Variants in DYM observed in about 807,000 individuals in gnomAD.
DYM encodes dyggve-Melchior-Clausen syndrome protein.
Under a neutral mutation model 93.1 loss-of-function variants are expected in DYM, and 78 were observed. The ratio of observed to expected loss-of-function variants is 0.84; its 90% CI spans 0.70 to 1.01. The LOEUF (loss-of-function observed/expected upper bound fraction) is 1.01. Ranked by LOEUF, DYM falls within the 50% of genes least tolerant of loss-of-function variation. The probability of loss-of-function intolerance (pLI) is 0.00; values close to 1 mark genes in which losing one functional copy is unlikely to be tolerated. For synonymous variants in DYM, 321 were observed against 319.7 expected, an observed-to-expected ratio of 1.00 and a Z score of -0.04; for missense variants, 789 against 845.0, an observed-to-expected ratio of 0.93 and a Z score of 0.82.
intron 15 of DYM, among the ~76,000 whole-genome samples, chr18:49,124,169 TACTG>T (rs763978252): frequency 6.6e-6 from 1 of 152,092 alleles, no homozygotes; most frequent in Non-Finnish European, 1.5e-5. Context: ...CAGGCTAAAA[TACTG>T]ACTATTTATT....
At chr18:49,314,834 C>A (rs962040175) in intron 8 of DYM, among the ~76,000 whole-genome samples, 9 of 152,082 alleles carry the variant, frequency 5.9e-5, no homozygotes, top group African/African-American at 1.9e-4. Context: ...ACCAAGAATC[C>A]CAAGGTCATT....
intron 6 of DYM, among the ~76,000 whole-genome samples, chr18:49,340,651 G>A (rs1490797702): frequency 6.6e-6 from 1 of 152,166 alleles, no homozygotes; most frequent in East Asian, 1.9e-4. Context: ...CTTGTGGGAT[G>A]AAAGGACACA....
chr18:49,441,126 AT>A (rs1217371877), intron 1 of DYM, among the ~76,000 whole-genome samples: 1 of 4,834 alleles, frequency 2.1e-4, no homozygotes, highest in Non-Finnish European at 5.3e-4. Flanking sequence ...TATATTATAT[AT>A]TTATATAAAT....
chr18:49,140,424 G>A (rs1293060119), intron 15 of DYM, among the ~76,000 whole-genome samples: 1 of 152,096 alleles, frequency 6.6e-6, no homozygotes, highest in Non-Finnish European at 1.5e-5. Flanking sequence ...AATACATCCT[G>A]CAATCTCATG....
At chr18:49,143,597 A>C (rs1224470279) in intron 15 of DYM, among the ~76,000 whole-genome samples, 2 of 152,148 alleles carry the variant, frequency 1.3e-5, no homozygotes, top group East Asian at 3.8e-4. Context: ...GGTCACATAA[A>C]GGTTAAATAT....
intron 13 of DYM, among the ~76,000 whole-genome samples, chr18:49,216,637 C>T (rs1045187471): frequency 1.3e-5 from 2 of 152,192 alleles, no homozygotes; most frequent in Non-Finnish European, 2.9e-5. Flanking sequence ...GATACCCAGG[C>T]AAACAGGGTC....
intron 8 of DYM, among the ~76,000 whole-genome samples, chr18:49,293,949 G>T (rs1396618335): frequency 1.3e-5 from 2 of 152,126 alleles, no homozygotes; most frequent in Non-Finnish European, 2.9e-5. Context: ...ATGATTTTAG[G>T]TCTTACATTT....
chr18:49,363,302 C>T (rs1206898255), intron 5 of DYM, 69 bp from the exon 6 acceptor site: 2 of 1,065,822 alleles, frequency 1.9e-6, no homozygotes, highest in Non-Finnish European at 1.5e-6. Flanking sequence ...TCAGAAGTTA[C>T]ATTTTCATTC....
chr18:49,349,020 C>T (rs1348457911), intron 6 of DYM, among the ~76,000 whole-genome samples: 1 of 151,660 alleles, frequency 6.6e-6, no homozygotes, highest in African/African-American at 2.4e-5. Flanking sequence ...CCAGGCTGGC[C>T]AACATGGTGA....
At chr18:49,350,726 G>GAAAAAAAAAAAAAAAAA (rs72289769) in intron 6 of DYM, among the ~76,000 whole-genome samples, 20 of 119,926 alleles carry the variant, frequency 1.7e-4, no homozygotes, top group East Asian at 4.9e-4. Context: ...GAAAAAAAAA[G>GAAAAAAAAAAAAAAAAA]AAAAAAAAAA....
chr18:49,078,656 G>A (rs1393971586), intron 17 of DYM, among the ~76,000 whole-genome samples: 1 of 152,070 alleles, frequency 6.6e-6, no homozygotes, highest in Non-Finnish European at 1.5e-5. Context: ...TTTCCCATGT[G>A]AGGTGCTTGC....
At chr18:49,376,167 T>C (rs1362562501) in intron 5 of DYM, among the ~76,000 whole-genome samples, 1 of 152,160 alleles carries the variant, frequency 6.6e-6, no homozygotes, top group Non-Finnish European at 1.5e-5. Flanking sequence ...ATCTATGCTA[T>C]TTGTCCTGTC....
In DYM at chr18:49,320,152, T is replaced by TA. The variant is rs1418280073; in HGVS notation, c.763+11711dup. On this transcript the variant is annotated intron_variant, in intron 8 of 17. Coordinates refer to ENST00000675505, the MANE Select transcript of DYM (RefSeq NM_001353214.3). The stretch of plus-strand genomic sequence containing the variant: ...ACCCCACATTCTTCATATACTGTCT[T>TA]ACCTAGCACTTCTGGAAGGACTAAA... 7.2e-5 allele frequency among the ~76,000 whole-genome samples: 11 copies of TA among 152,332 alleles called. No homozygotes were observed. The East Asian group carries it at 2.1e-3, about 29-fold the overall frequency.
At chr18:49,254,086 G>C (rs1032395990) in intron 13 of DYM, among the ~76,000 whole-genome samples, 2 of 151,944 alleles carry the variant, frequency 1.3e-5, no homozygotes, top group African/African-American at 4.8e-5. Context: ...GATGATTGCT[G>C]TATCAGGCCA....
intron 14 of DYM, among the ~76,000 whole-genome samples, chr18:49,188,787 T>C (rs1568566432): frequency 6.6e-6 from 1 of 152,172 alleles, no homozygotes; most frequent in Non-Finnish European, 1.5e-5. Context: ...CATGTATACG[T>C]ATGTAACTAA....
At chr18:49,274,206 A>G (rs1398418736) in intron 10 of DYM, among the ~76,000 whole-genome samples, 1 of 149,508 alleles carries the variant, frequency 6.7e-6, no homozygotes, top group African/African-American at 2.4e-5. Context: ...TTCTGTCTCT[A>G]TAATTTCCCT....
intron 3 of DYM, among the ~76,000 whole-genome samples, chr18:49,380,460 T>G (rs1010383484): frequency 1.3e-5 from 2 of 152,168 alleles, no homozygotes; most frequent in African/African-American, 4.8e-5. Flanking sequence ...GAGTAGGTGC[T>G]TTACATGCAT....
intron 16 of DYM, among the ~76,000 whole-genome samples, chr18:49,102,904 C>G (rs1599759934): frequency 1.3e-5 from 2 of 152,048 alleles, no homozygotes; most frequent in African/African-American, 2.4e-5. Flanking sequence ...ATAGCAGCAT[C>G]ATTTATAATC....
intron 14 of DYM, among the ~76,000 whole-genome samples, chr18:49,177,189 G>T (rs974571805): frequency 6.6e-6 from 1 of 152,164 alleles, no homozygotes; most frequent in African/African-American, 2.4e-5. Flanking sequence ...CACAGTGAGT[G>T]CAAGAGGAGC....
Sources: gnomAD v4.1 joint callset for allele counts (sites outside exome capture counted in the v4.1 genomes callset) on GRCh38, gnomAD v4.1.1 for gene constraint, MANE v1.5 for transcripts, NCBI Gene and HGNC (gene_info 2026-07-23, HGNC 2026-07-21) for gene names.